ITPR1: variants seen among roughly 807,000 people sequenced by gnomAD.
The protein encoded by ITPR1 is inositol 1,4,5-trisphosphate receptor type 1.
In ITPR1, 96 loss-of-function variants were observed where a neutral mutation model predicts 318.4. The observed-to-expected ratio is 0.30, with a 90% CI of 0.26 to 0.36. The LOEUF (loss-of-function observed/expected upper bound fraction) is 0.36. ITPR1 is among the 10% of genes least tolerant of loss of function. The pLI, the probability that ITPR1 is intolerant of heterozygous loss-of-function variation, is 1.00. For missense variants in ITPR1, 2,440 were observed against 3,460.2 expected, an observed-to-expected ratio of 0.71 and a Z score of 7.40; for synonymous variants, 1,312 against 1,289.9, an observed-to-expected ratio of 1.02 and a Z score of -0.37.
chr3:4,604,054 G>T (rs1297837532), intron 4 of ITPR1, among the ~76,000 whole-genome samples: 2 of 152,098 alleles, frequency 1.3e-5, no homozygotes, highest in Admixed American at 1.3e-4. Context: ...GTATCTCATT[G>T]TAGTTTTGAT....
chr3:4,787,019 T>C (rs6801569), intron 51 of ITPR1, among the ~76,000 whole-genome samples: 95,473 of 152,064 alleles, frequency 0.63, 30,387 homozygotes, highest in East Asian at 0.89. Context: ...TAGCTATGTA[T>C]GGCTATTTAA....
In ITPR1 at chr3:4,795,070, C is replaced by T; in HGVS notation, c.6814C>T (p.Pro2272Ser). The change falls in exon 53 of 62, where the codon CCC (proline) becomes TCC (serine). Residue 2272 changes from proline (P) to serine (S), a missense_variant. By Grantham distance (74) the Pro-to-Ser change is moderately conservative (BLOSUM62 -1). Around this residue, in one of 23 missense-constraint regions of ITPR1, gnomAD observed 115 missense variants for 204.5 expected, o/e 0.56. Coordinates refer to ENST00000649015, the MANE Select transcript of ITPR1 (RefSeq NM_001378452.1). ...CTTTGCCTTTGTCTCTGCAGCCCAG[C>T]CCGTGTTGTACTGGTGTGCCCGCAA... ...MNWQKKLRAQ[P>S]VLYWCARNMS... 1 of 1,610,106 alleles carries T rather than the reference C, an allele frequency of 6.2e-7. No individual in the cohort carries two copies. Among genetic ancestry groups the T allele is most frequent in the Middle Eastern group, 1.7e-4 (1 of 6,004 alleles).
chr3:4,779,728 A>G lies in ITPR1; in HGVS notation c.6387+83A>G, dbSNP rs2046701198. 1.0e-6 allele frequency: 1 copy of G among 966,332 alleles called. No individual in the cohort carries two copies. The highest frequency in any genetic ancestry group is 1.6e-6 in the Non-Finnish European group (1 of 613,806). The allele number at this position is 966,332 out of a possible 1,614,324, so 59.9% of individuals were successfully genotyped here. On this transcript the variant is annotated intron_variant, in intron 49 of 61. Coordinates refer to ENST00000649015, the MANE Select transcript of ITPR1 (RefSeq NM_001378452.1). This position sits in a 1 kb window ranked among gnomAD's most constrained non-coding sequence, Gnocchi z 4.0. The stretch of plus-strand genomic sequence containing the variant: ...ACAGAGCAGAGGATCTGCTTCCTGG[A>G]GCTTTCTTGAAGGTTCCCAAAGTCA...
Position 4,663,098 on chromosome 3 carries a change from C to T in ITPR1, c.1446C>T (p.Tyr482=), listed in dbSNP as rs763311366. The T allele has an allele frequency of 6.2e-7, 1 of 1,613,800 alleles. No homozygotes were observed. The highest frequency in any genetic ancestry group is 1.1e-5 in the South Asian group (1 of 91,070). The change falls in exon 16 of 62, where the codon TAC becomes TAT. Residue 482 remains tyrosine (Y), a synonymous_variant. Coordinates refer to ENST00000649015, the MANE Select transcript of ITPR1 (RefSeq NM_001378452.1). ...CCAAGCTGCTAGAAGATTTGGTTTA[C>T]TTCGTCACTGGTGGAACTAATTCTG... ...SVTKLLEDLV[Y]FVTGGTNSGQ... is the part of the protein sequence containing the mutation.
In ITPR1 at chr3:4,650,706, A is replaced by G. The variant is rs143184903; in HGVS notation, c.856-1417A>G. Among the ~76,000 whole-genome samples, 893 of 150,324 alleles carry G rather than the reference A, an allele frequency of 5.9e-3. 3 individuals carry two copies. Among genetic ancestry groups the G allele is most frequent in the Middle Eastern group, 0.028 (8 of 290 alleles). ...GGAGTTCATTGAGTTTCTTGAATCT[A>G]TGGGTATGTGTCAAATGGGAAAACT... On this transcript the variant is annotated intron_variant, in intron 10 of 61. Transcript: ENST00000649015.
At position 4,686,360 on chromosome 3, in the gene ITPR1, G is replaced by A. The variant is rs756076524; in HGVS notation, c.3702+1154G>A. ...ATAAAGTCCAAGCTTAATCCCTGTC[G>A]TAGGTATAATACCTAGCTAACTTGT... On this transcript the variant is annotated intron_variant, in intron 30 of 61. Coordinates refer to ENST00000649015, the MANE Select transcript of ITPR1 (RefSeq NM_001378452.1). 6.3e-4 allele frequency among the ~76,000 whole-genome samples: 96 copies of A among 152,178 alleles called. 1 individual carries two copies. Among genetic ancestry groups the A allele is most frequent in the Admixed American group, 1.8e-3 (28 of 15,278 alleles).
At position 4,813,245 on chromosome 3, in the gene ITPR1, C is replaced by T; in HGVS notation, c.7561+11C>T. 2 of 1,580,118 alleles carry T rather than the reference C, an allele frequency of 1.3e-6. No homozygotes were observed. The highest frequency in any genetic ancestry group is 1.7e-6 in the Non-Finnish European group (2 of 1,153,328). On this transcript the variant is annotated intron_variant, in intron 57 of 61. Coordinates refer to ENST00000649015, the MANE Select transcript of ITPR1 (RefSeq NM_001378452.1). ...CTGCACCCAGAGAAGGTAGGACCTC[C>T]TAACTGTAAGCCCCATGTTAATATC...
chr3:4,540,722 C>A (rs1029068407), intron 4 of ITPR1, among the ~76,000 whole-genome samples: 1 of 152,002 alleles, frequency 6.6e-6, no homozygotes, highest in Admixed American at 6.6e-5. Context: ...GGATTACAGG[C>A]ATGCCACCAT....
intron 40 of ITPR1, among the ~76,000 whole-genome samples, chr3:4,720,509 T>C (rs1240845137): frequency 6.6e-6 from 1 of 152,196 alleles, no homozygotes; most frequent in Non-Finnish European, 1.5e-5. Context: ...TAGATGTGTC[T>C]GTAGAAGGGA....
intron 4 of ITPR1, among the ~76,000 whole-genome samples, chr3:4,579,390 T>C (rs2089051080): frequency 6.6e-6 from 1 of 152,224 alleles, no homozygotes; most frequent in Admixed American, 6.5e-5. Context: ...AATGGCTGAA[T>C]ATGTATATAT....
intron 4 of ITPR1, among the ~76,000 whole-genome samples, chr3:4,528,532 G>C (rs1023237326): frequency 6.6e-6 from 1 of 151,944 alleles, no homozygotes; most frequent in African/African-American, 2.4e-5. Context: ...TTTTTCTTTT[G>C]GCAAGGCATC....
Position 4,681,355 on chromosome 3 carries a change from A to C in ITPR1, c.3107-9A>C. 6.2e-7 allele frequency: 1 copy of C among 1,607,310 alleles called. No individual in the cohort carries two copies. The highest frequency in any genetic ancestry group is 8.5e-7 in the Non-Finnish European group (1 of 1,174,060). ...CCTGCATCTGAAGTGGTATGTTCTA[A>C]CTTTTCAGGTGCTCTTGACTTTGAA... On this transcript the variant is annotated splice_polypyrimidine_tract_variant and intron_variant, in intron 25 of 61. Coordinates refer to ENST00000649015, the MANE Select transcript of ITPR1 (RefSeq NM_001378452.1).
chr3:4,618,857 T>A (rs983413680), intron 4 of ITPR1, among the ~76,000 whole-genome samples: 2 of 152,228 alleles, frequency 1.3e-5, no homozygotes, highest in Non-Finnish European at 2.9e-5. Context: ...GCATACTGTC[T>A]CGACTATAGA....
chr3:4,572,258 C>G (rs2088092595), intron 4 of ITPR1, among the ~76,000 whole-genome samples: 1 of 152,196 alleles, frequency 6.6e-6, no homozygotes, highest in African/African-American at 2.4e-5. Context: ...TCATAGGCAT[C>G]TCAAACTTAC....
chr3:4,642,236 A>G lies in ITPR1; in HGVS notation c.510A>G (p.Arg170=). Residue 170 remains arginine, a synonymous_variant, in exon 7 of 62, where the codon CGA becomes CGG. Transcript: ENST00000649015. ...ATATTCAGCCATTCTACAAGCTGCG[A>G]TCCATTGGAGACAGCGTAAGTGCGG... ...WFYIQPFYKL[R]SIGDSVVIGD... is the part of the protein sequence containing the mutation. 6.3e-7 allele frequency: 1 copy of G among 1,581,226 alleles called. No homozygotes were observed. The highest frequency in any genetic ancestry group is 8.6e-7 in the Non-Finnish European group (1 of 1,166,556).
chr3:4,503,670 C>G (rs1464178376), intron 2 of ITPR1, among the ~76,000 whole-genome samples: 1 of 152,002 alleles, frequency 6.6e-6, no homozygotes, highest in Non-Finnish European at 1.5e-5. Context: ...CACAGGATAG[C>G]CCCCCACTCC....
chr3:4,627,169 A>AT (rs760088740), intron 4 of ITPR1, among the ~76,000 whole-genome samples: 56 of 140,002 alleles, frequency 4.0e-4, no homozygotes, highest in Non-Finnish European at 6.5e-4. Flanking sequence ...TTGGATTTGT[A>AT]TAAAAAAAAA....
intron 45 of ITPR1, among the ~76,000 whole-genome samples, chr3:4,767,153 A>G (rs1218952602): frequency 6.6e-6 from 1 of 152,244 alleles, no homozygotes; most frequent in Non-Finnish European, 1.5e-5. Flanking sequence ...TAGACCCACA[A>G]GTGTTGGAGT....
chr3:4,814,088 G>C (rs2049119184), intron 57 of ITPR1, among the ~76,000 whole-genome samples: 1 of 152,222 alleles, frequency 6.6e-6, no homozygotes, highest in Non-Finnish European at 1.5e-5. Flanking sequence ...AGAGGCCTGT[G>C]ACTCAGAGTT....
Sources: gnomAD v4.1 joint callset for allele counts (sites outside exome capture counted in the v4.1 genomes callset) on GRCh38, gnomAD v4.1.1 for gene constraint, gnomAD v4.1.1 regional missense constraint, Gnocchi (gnomAD v3.1) non-coding constraint, MANE v1.5 for transcripts, NCBI Gene and HGNC (gene_info 2026-07-23, HGNC 2026-07-21) for gene names.